Variants in BBS7 observed in about 807,000 individuals in gnomAD.
BBS7 encodes Bardet-Biedl syndrome 7.
A neutral mutation model predicts 90.3 loss-of-function variants in BBS7; 50 were observed. That is an observed-to-expected ratio of 0.55 (90% CI 0.44 to 0.70). The LOEUF (loss-of-function observed/expected upper bound fraction) is 0.70. Among genes scored for constraint, BBS7 ranks in the 30% least tolerant of loss-of-function variants. The probability of loss-of-function intolerance (pLI) is 0.00; values close to 1 mark genes in which losing one functional copy is unlikely to be tolerated. For missense variants in BBS7, 729 were observed against 838.9 expected, an observed-to-expected ratio of 0.87 and a Z score of 1.62; for synonymous variants, 235 against 287.4, an observed-to-expected ratio of 0.82 and a Z score of 1.85.
At chr4:121,851,511 C>T (rs1342629308) in intron 8 of BBS7, among the ~76,000 whole-genome samples, 1 of 151,522 alleles carries the variant, frequency 6.6e-6, no homozygotes, top group African/African-American at 2.4e-5. Context: ...ATCCTATAAC[C>T]ATGAAATTAG....
intron 9 of BBS7, among the ~76,000 whole-genome samples, chr4:121,848,321 T>A (rs1278382414): frequency 6.6e-6 from 1 of 152,188 alleles, no homozygotes; most frequent in East Asian, 1.9e-4. Flanking sequence ...ACATTCTGAA[T>A]AGGGTGATAA....
chr4:121,862,899 G>A (rs1320366950), intron 3 of BBS7, among the ~76,000 whole-genome samples: 1 of 152,184 alleles, frequency 6.6e-6, no homozygotes, highest in Non-Finnish European at 1.5e-5. Flanking sequence ...TTGCAGCTGT[G>A]TGAAACCTTG....
At chr4:121,828,810 G>A in intron 15 of BBS7, 82 bp from the exon 16 acceptor site, 1 of 837,720 alleles carries the variant, frequency 1.2e-6, no homozygotes. Flanking sequence ...TTAGTACTTA[G>A]AGTATAGATT....
intron 5 of BBS7, 50 bp downstream of exon 5, chr4:121,858,942 A>T: frequency 6.5e-7 from 1 of 1,527,908 alleles, no homozygotes; most frequent in Non-Finnish European, 9.1e-7. Flanking sequence ...ATGTTCATTG[A>T]TATTCTTTCA....
chr4:121,824,939 A>G lies in BBS7; in HGVS notation c.*921T>C, dbSNP rs1209191228. Reference sequence around the variant, plus strand: ...CTGTATGCCATTTTAAAACCTTTCAATATTCCCTTGAAATTAATAAATATG... The same window carrying G: ...CTGTATGCCATTTTAAAACCTTTCAGTATTCCCTTGAAATTAATAAATATG... On this transcript the variant is annotated 3_prime_UTR_variant, in exon 19 of 19. Transcript: ENST00000264499. This position sits in a 1 kb window ranked among gnomAD's most constrained non-coding sequence, Gnocchi z 4.1. 2 of 152,186 alleles carry G rather than the reference A, an allele frequency of 1.3e-5. No individual in the cohort carries two copies. Among genetic ancestry groups the G allele is most frequent in the African/African-American group, 2.4e-5 (1 of 41,444 alleles). The allele number at this position is 152,186 out of a possible 1,614,324, so 9.4% of individuals were successfully genotyped here.
chr4:121,868,684 C>A (rs1727415101), intron 1 of BBS7, among the ~76,000 whole-genome samples: 3 of 49,682 alleles, frequency 6.0e-5, no homozygotes, highest in Non-Finnish European at 1.0e-4. Context: ...GACCCTGTTT[C>A]AAAAAAAAAA....
At chr4:121,847,578 A>G in intron 9 of BBS7, 72 bp from the exon 10 acceptor site, 1 of 1,075,538 alleles carries the variant, frequency 9.3e-7, no homozygotes, top group East Asian at 2.4e-5. Context: ...TGCATTGTAT[A>G]GCAGAAACTC....
chr4:121,827,693 C>A, intron 18 of BBS7: 1 of 783,692 alleles, frequency 1.3e-6, no homozygotes, highest in Non-Finnish European at 1.5e-6. Flanking sequence ...TTCTCACCAC[C>A]AAAGTTTTGA....
chr4:121,859,018 G>A lies in BBS7; in HGVS notation c.502C>T (p.Gln168Ter), dbSNP rs1385873554. The A allele has an allele frequency of 1.2e-6, 2 of 1,613,772 alleles. No homozygotes were observed. Among genetic ancestry groups the A allele is most frequent in the Non-Finnish European group, 1.7e-6 (2 of 1,179,852 alleles). ...TGTAAAACTCTGAGCACTCTGTCCT[G>A]GCAGGCCAATACAGGTGTGATACGA... ...LSRITPVLAC[Q>*]DRVLRVLQGS... The change falls in exon 5 of 19, where the codon CAG becomes TAG. Residue 168 changes from glutamine (Q) to a stop codon, truncating the protein, a stop_gained. Transcript: ENST00000264499. LOFTEE classifies it high-confidence loss of function.
intron 2 of BBS7, among the ~76,000 whole-genome samples, chr4:121,866,617 G>C (rs959781871): frequency 2.6e-5 from 4 of 152,048 alleles, no homozygotes; most frequent in African/African-American, 9.7e-5. Flanking sequence ...GGTGAGAGGT[G>C]GGGGTCTTGG....
At chr4:121,846,142 T>TA (rs1290904337) in intron 10 of BBS7, among the ~76,000 whole-genome samples, 1 of 152,004 alleles carries the variant, frequency 6.6e-6, no homozygotes, top group African/African-American at 2.4e-5. Flanking sequence ...AGGGGAGACA[T>TA]AAAAAATAAA....
chr4:121,853,275 G>A (rs1010065509), intron 7 of BBS7, among the ~76,000 whole-genome samples, 189 bp from the exon 8 acceptor site: 2 of 152,152 alleles, frequency 1.3e-5, no homozygotes, highest in African/African-American at 4.8e-5. Flanking sequence ...TATAATCTGT[G>A]TGAGAACGGC....
At chr4:121,840,778 T>G (rs1189534165) in intron 12 of BBS7, among the ~76,000 whole-genome samples, 1 of 152,050 alleles carries the variant, frequency 6.6e-6, no homozygotes, top group African/African-American at 2.4e-5. Flanking sequence ...AACTCAAACA[T>G]TTCAATTTCA....
At position 121,828,236 on chromosome 4, in the gene BBS7, G is replaced by C. The variant is rs2149048113; in HGVS notation, c.1924C>G (p.Leu642Val). ...AGAATACAGTGATATTCTGGTATCA[G>C]AAAGTTCGTATTTCCCTCATGAATC... The part of the protein sequence containing the change: ...LQIHEGNTNF[L>V]IPEYHCILEE... The change falls in exon 18 of 19, where the codon CTG becomes GTG. Residue 642 changes from leucine (L) to valine (V), a missense_variant. Transcript: ENST00000264499. The C allele has an allele frequency of 1.9e-6, 3 of 1,613,776 alleles. No homozygotes were observed. Among genetic ancestry groups the C allele is most frequent in the Non-Finnish European group, 1.7e-6 (2 of 1,179,824 alleles).
intron 5 of BBS7, among the ~76,000 whole-genome samples, chr4:121,855,956 A>G (rs1039565939): frequency 5.9e-4 from 7 of 11,932 alleles, no homozygotes; most frequent in African/African-American, 4.7e-3. Flanking sequence ...GTACATATAT[A>G]TGTGTGTATA....
chr4:121,833,126 G>T, intron 15 of BBS7, 105 bp downstream of exon 15: 2 of 1,103,712 alleles, frequency 1.8e-6, no homozygotes, highest in Non-Finnish European at 2.7e-6. Context: ...GAACAGTATA[G>T]ATTTTCAATC....
chr4:121,842,450 C>CA (rs1321341525), intron 12 of BBS7, among the ~76,000 whole-genome samples: 5 of 151,118 alleles, frequency 3.3e-5, no homozygotes, highest in Admixed American at 6.6e-5. Context: ...GCCTGGGCAA[C>CA]ATAGGAAGAC....
chr4:121,844,120 G>T, intron 11 of BBS7, 119 bp from the exon 12 acceptor site: 1 of 656,958 alleles, frequency 1.5e-6, no homozygotes, highest in Non-Finnish European at 2.7e-6. Flanking sequence ...AAATTTGAGA[G>T]TATGAATTCT....
At position 121,828,721 on chromosome 4, in the gene BBS7, C is replaced by G. The variant is rs1344909042; in HGVS notation, c.1684G>C (p.Glu562Gln). The G allele has an allele frequency of 6.4e-7, 1 of 1,553,372 alleles. No individual in the cohort carries two copies. The highest frequency in any genetic ancestry group is 8.8e-7 in the Non-Finnish European group (1 of 1,132,754). The change falls in exon 16 of 19, where the codon GAG becomes CAG. Residue 562 changes from glutamate (E) to glutamine (Q), a missense_variant. Glu to Gln is a conservative substitution (Grantham distance 29, BLOSUM62 2). Transcript: ENST00000264499. ...ATGTTGTCAGATTTAAAAACTCCCT[C>G]TCCTTTTCTATAAAATTAATATATT... is the stretch of plus-strand genomic sequence containing the variant. Reference protein sequence around the residue: ...TQLESTYRKGEGVFKSDNIST... With the variant: ...TQLESTYRKGQGVFKSDNIST...
Sources: gnomAD v4.1 joint callset for allele counts (sites outside exome capture counted in the v4.1 genomes callset) on GRCh38, gnomAD v4.1.1 for gene constraint, Gnocchi (gnomAD v3.1) non-coding constraint, MANE v1.5 for transcripts, NCBI Gene and HGNC (gene_info 2026-07-23, HGNC 2026-07-21) for gene names.